The following HTR1E variants were observed in gnomAD, a reference collection of about 807,000 sequenced individuals.
The protein encoded by HTR1E is 5-HT-1E.
Under a neutral mutation model 3.4 loss-of-function variants are expected in HTR1E, and 3 were observed. The observed-to-expected ratio is 0.89, with a 90% CI of 0.41 to 2.31. The LOEUF is 2.31. Among genes scored for constraint, HTR1E ranks in the 30% most tolerant of loss-of-function variants. The pLI is 0.05. For missense variants in HTR1E, 392 were observed against 467.0 expected (o/e 0.84, Z 1.48); for synonymous variants, 170 against 182.8 (o/e 0.93, Z 0.56).
chr6:87,006,469 T>C (rs1768109124), intron 1 of HTR1E, among the ~76,000 whole-genome samples: 2 of 152,316 alleles, frequency 1.3e-5, no homozygotes, highest in Admixed American at 6.5e-5. Flanking sequence ...GCTTTTACAC[T>C]GTTAGTGGGA....
intron 1 of HTR1E, among the ~76,000 whole-genome samples, chr6:86,941,100 C>A (rs1209930000): frequency 2.6e-5 from 4 of 152,230 alleles, no homozygotes; most frequent in Non-Finnish European, 5.9e-5. Context: ...CTCCCTGAAT[C>A]ATTTTCTAGA....
At chr6:86,998,911 G>A (rs1238623709) in intron 1 of HTR1E, among the ~76,000 whole-genome samples, 4 of 152,062 alleles carry the variant, frequency 2.6e-5, no homozygotes, top group African/African-American at 9.7e-5. Flanking sequence ...AGGCTAAAAG[G>A]ATATGAAAGG....
intron 1 of HTR1E, among the ~76,000 whole-genome samples, chr6:86,972,758 G>A (rs980370836): frequency 6.6e-6 from 1 of 152,120 alleles, no homozygotes; most frequent in African/African-American, 2.4e-5. Context: ...GTGTGTATGC[G>A]AGTTGGGGGA....
intron 1 of HTR1E, among the ~76,000 whole-genome samples, chr6:86,987,858 G>A (rs139991838): frequency 6.6e-6 from 1 of 152,096 alleles, no homozygotes; most frequent in East Asian, 1.9e-4. Flanking sequence ...CTTTTATAAG[G>A]GTCTTAATCT....
intron 1 of HTR1E, among the ~76,000 whole-genome samples, chr6:87,001,969 T>C (rs976035794): frequency 1.3e-5 from 2 of 152,360 alleles, no homozygotes; most frequent in Admixed American, 1.3e-4. Flanking sequence ...GGAGTCACTA[T>C]AGTTATATCA....
intron 1 of HTR1E, among the ~76,000 whole-genome samples, chr6:86,977,787 C>T (rs1024356901): frequency 2.0e-5 from 3 of 152,020 alleles, no homozygotes; most frequent in Non-Finnish European, 4.4e-5. Context: ...ATTATCATTT[C>T]GATTTGCATT....
intron 1 of HTR1E, among the ~76,000 whole-genome samples, chr6:86,972,554 GAAAC>G (rs1356207801): frequency 6.6e-6 from 1 of 151,988 alleles, no homozygotes; most frequent in African/African-American, 2.4e-5. Flanking sequence ...AAAAAATAAA[GAAAC>G]AAAACGATAT....
chr6:87,003,780 A>T (rs544202267), intron 1 of HTR1E, among the ~76,000 whole-genome samples: 8 of 152,234 alleles, frequency 5.3e-5, no homozygotes, highest in African/African-American at 1.9e-4. Flanking sequence ...TCAGAGCAGA[A>T]ATAAGTGAAA....
At chr6:86,952,543 A>G (rs893268854) in intron 1 of HTR1E, among the ~76,000 whole-genome samples, 1 of 151,916 alleles carries the variant, frequency 6.6e-6, no homozygotes, top group Non-Finnish European at 1.5e-5. Context: ...CTTCCCATTT[A>G]TTAAAAGGTC....
intron 1 of HTR1E, among the ~76,000 whole-genome samples, chr6:86,957,167 C>T (rs765434556): frequency 6.6e-6 from 1 of 152,204 alleles, no homozygotes; most frequent in African/African-American, 2.4e-5. Context: ...GTCTTGGAAG[C>T]AGATGGTTTG....
At chr6:87,001,495 A>G (rs922748075) in intron 1 of HTR1E, among the ~76,000 whole-genome samples, 1 of 152,230 alleles carries the variant, frequency 6.6e-6, no homozygotes, top group African/African-American at 2.4e-5. Context: ...CACTGAGACC[A>G]TGAGTATTGC....
At chr6:86,978,892 T>C (rs1038361815) in intron 1 of HTR1E, among the ~76,000 whole-genome samples, 1 of 152,208 alleles carries the variant, frequency 6.6e-6, no homozygotes, top group African/African-American at 2.4e-5. Flanking sequence ...GAATTGGTAA[T>C]GCCAGCTTTG....
intron 1 of HTR1E, among the ~76,000 whole-genome samples, chr6:87,013,890 A>G (rs981635031): frequency 7.9e-5 from 12 of 152,224 alleles, no homozygotes; most frequent in African/African-American, 2.4e-5. Context: ...ACATATGAAA[A>G]AAAGCTCATC....
At chr6:86,995,693 A>AAAAG (rs1767931361) in intron 1 of HTR1E, among the ~76,000 whole-genome samples, 1 of 124,766 alleles carries the variant, frequency 8.0e-6, no homozygotes, top group African/African-American at 2.9e-5. Context: ...AAAAAGAAAA[A>AAAAG]AAAAAAAAAA....
At chr6:86,966,110 A>C (rs1767468327) in intron 1 of HTR1E, among the ~76,000 whole-genome samples, 1 of 152,190 alleles carries the variant, frequency 6.6e-6, no homozygotes. Context: ...GGGTGGTATA[A>C]AATGAAAGGA....
chr6:86,983,192 ACATGTAACT>A (rs1767737232), intron 1 of HTR1E, among the ~76,000 whole-genome samples: 1 of 152,198 alleles, frequency 6.6e-6, no homozygotes, highest in Non-Finnish European at 1.5e-5. Context: ...ATCTAACTTA[ACATGTAACT>A]CTTCATTGTT....
chr6:86,970,721 G>C (rs1767538602), intron 1 of HTR1E: 2 of 181,896 alleles, frequency 1.1e-5, no homozygotes, highest in Non-Finnish European at 2.3e-5. Context: ...ACTGGCATTT[G>C]TCATCAGGAT....
intron 1 of HTR1E, among the ~76,000 whole-genome samples, chr6:86,972,853 A>G (rs1221510128): frequency 6.6e-6 from 1 of 152,150 alleles, no homozygotes; most frequent in African/African-American, 2.4e-5. Flanking sequence ...GCCAAATCAT[A>G]ATGAGTTTCT....
chr6:87,013,092 G>A (rs958853261), intron 1 of HTR1E, among the ~76,000 whole-genome samples: 6 of 152,210 alleles, frequency 3.9e-5, no homozygotes, highest in Non-Finnish European at 8.8e-5. Context: ...CCTCCTTCTT[G>A]ATAATGCTTA....
Sources: allele counts gnomAD v4.1 joint callset (sites outside exome capture counted in the v4.1 genomes callset), GRCh38; gene constraint gnomAD v4.1.1; transcripts MANE v1.5; gene names NCBI Gene and HGNC (gene_info 2026-07-23, HGNC 2026-07-21).